ABCB5: variants seen among roughly 807,000 people sequenced by gnomAD.
ABCB5 encodes ATP-binding cassette sub-family B member 5.
Under a neutral mutation model 144.2 loss-of-function variants are expected in ABCB5, and 155 were observed. The ratio of observed to expected loss-of-function variants is 1.08; its 90% confidence interval spans 0.94 to 1.23. The LOEUF is 1.23. Among genes scored for constraint, ABCB5 ranks in the 50% most tolerant of loss-of-function variants. The pLI is 0.00. For missense variants in ABCB5, 1,830 were observed against 1,520.8 expected (o/e 1.20, Z -3.38); for synonymous variants, 610 against 528.6 (o/e 1.15, Z -2.11).
chr7:20,689,580 C>G (rs1016553801), intron 16 of ABCB5, among the ~76,000 whole-genome samples: 1 of 152,058 alleles, frequency 6.6e-6, no homozygotes, highest in Admixed American at 6.6e-5. Flanking sequence ...TAACCTAAGC[C>G]AAGAGCTAGA....
chr7:20,640,066 T>C (rs1434650766), intron 5 of ABCB5, among the ~76,000 whole-genome samples: 2 of 152,150 alleles, frequency 1.3e-5, no homozygotes, highest in Non-Finnish European at 2.9e-5. Flanking sequence ...TCATCTTACA[T>C]TTATTTTATT....
chr7:20,743,119 T>C, intron 25 of ABCB5, 45 bp downstream of exon 25: 2 of 1,592,576 alleles, frequency 1.3e-6, no homozygotes, highest in South Asian at 2.2e-5. Flanking sequence ...TTAGCAGTCC[T>C]ATTCTTAAAC....
intron 14 of ABCB5, among the ~76,000 whole-genome samples, chr7:20,668,397 G>A (rs1440547835): frequency 1.2e-4 from 18 of 149,244 alleles, no homozygotes; most frequent in East Asian, 2.2e-4. Context: ...TGTGAGGAGC[G>A]CCTCTGCTGG....
At position 20,745,399 on chromosome 7, in the gene ABCB5, T is replaced by C; in HGVS notation, c.3390T>C (p.Asn1130=). ...TAGATGAGATCAAAGAAGCCGCAAA[T>C]GCAGCAAATATCCATTCTTTTATTG... ...VPLDEIKEAA[N]AANIHSFIEG... is the part of the protein sequence containing the mutation. The change falls in exon 26 of 28, where the codon AAT becomes AAC. Residue 1130 remains asparagine, a synonymous_variant. Coordinates refer to ENST00000404938, the MANE Select transcript of ABCB5 (RefSeq NM_001163941.2). 1.9e-6 allele frequency: 3 copies of C among 1,614,190 alleles called. No homozygotes were observed. Among genetic ancestry groups the C allele is most frequent in the Non-Finnish European group, 2.5e-6 (3 of 1,180,036 alleles).
intron 7 of ABCB5, 103 bp from the exon 8 acceptor site, chr7:20,645,653 A>T: frequency 7.2e-7 from 1 of 1,389,492 alleles, no homozygotes; most frequent in Non-Finnish European, 9.8e-7. Flanking sequence ...GTCTAAAAAA[A>T]TACCATTAGT....
At chr7:20,659,876 G>C (rs1414758658) in intron 14 of ABCB5, 1 of 904,176 alleles carries the variant, frequency 1.1e-6, no homozygotes, top group Non-Finnish European at 1.3e-6. Flanking sequence ...TAGAGACAAG[G>C]TTTTGCCATG....
chr7:20,702,227 T>TA (rs1786653195), intron 19 of ABCB5, among the ~76,000 whole-genome samples: 1 of 152,242 alleles, frequency 6.6e-6, no homozygotes, highest in South Asian at 2.1e-4. Context: ...TTACAATTCT[T>TA]AATGATAAAT....
chr7:20,749,137 T>C (rs115749071), intron 26 of ABCB5, among the ~76,000 whole-genome samples: 2,382 of 133,516 alleles, frequency 0.018, 69 homozygotes, highest in African/African-American at 0.057. Flanking sequence ...TTCCCTTTCT[T>C]TTCCTCCCTC....
chr7:20,666,787 T>C, intron 14 of ABCB5: 1 of 1,597,590 alleles, frequency 6.3e-7, no homozygotes, highest in Non-Finnish European at 8.5e-7. Context: ...GACGTATTGA[T>C]AATCTACCAC....
intron 14 of ABCB5, among the ~76,000 whole-genome samples, chr7:20,679,723 A>G (rs2128038293): frequency 6.6e-6 from 1 of 152,342 alleles, no homozygotes; most frequent in Non-Finnish European, 1.5e-5. Flanking sequence ...AGAAAATGCA[A>G]ATAAAAATAT....
At chr7:20,674,279 A>G (rs1297085761) in intron 14 of ABCB5, among the ~76,000 whole-genome samples, 1 of 151,964 alleles carries the variant, frequency 6.6e-6, no homozygotes, top group Non-Finnish European at 1.5e-5. Context: ...CTTTTACCTG[A>G]AACCTTTAAT....
rs571193620 is a variant in ABCB5, at chr7:20,691,497, A to T, written c.2010+5661A>T. Among the ~76,000 whole-genome samples, 4 of 152,092 alleles carry T rather than the reference A, an allele frequency of 2.6e-5. No individual in the cohort carries two copies. The South Asian group carries it at 8.3e-4, about 32-fold the overall frequency. On this transcript the variant is annotated intron_variant, in intron 16 of 27. Coordinates refer to ENST00000404938, the MANE Select transcript of ABCB5 (RefSeq NM_001163941.2). The stretch of plus-strand genomic sequence containing the variant: ...GCAGGGTATATATCTACCAGAAAAG[A>T]TTAAAAGGAGCAATTCTTAGAAGTC...
At chr7:20,694,023 TA>T (rs1273411650) in intron 16 of ABCB5, among the ~76,000 whole-genome samples, 33 of 133,954 alleles carry the variant, frequency 2.5e-4, no homozygotes, top group South Asian at 1.7e-3. Context: ...CTTTTTTCCC[TA>T]AAAAAAAAAA....
intron 20 of ABCB5, among the ~76,000 whole-genome samples, chr7:20,710,913 A>T (rs73263638): frequency 0.014 from 2,132 of 149,678 alleles, 191 homozygotes; most frequent in African/African-American, 0.05. Context: ...CTCTTTTTGG[A>T]GGAGTAAGGA....
intron 16 of ABCB5, 24 bp downstream of exon 16, chr7:20,685,860 T>C (rs559166598): frequency 6.4e-7 from 1 of 1,560,440 alleles, no homozygotes; most frequent in South Asian, 1.2e-5. Context: ...GATCAACCAG[T>C]TTTTCCTGCA....
intron 23 of ABCB5, among the ~76,000 whole-genome samples, chr7:20,736,481 G>T (rs1036164491): frequency 1.3e-5 from 2 of 152,154 alleles, no homozygotes. Flanking sequence ...CTCCCAAAGT[G>T]CTGGAATTAC....
intron 4 of ABCB5, among the ~76,000 whole-genome samples, chr7:20,630,597 A>G (rs987147270): frequency 3.6e-4 from 55 of 152,164 alleles, no homozygotes; most frequent in African/African-American, 1.3e-3. Context: ...TTAATGATGT[A>G]AATTGATGCA....
intron 1 of ABCB5, among the ~76,000 whole-genome samples, chr7:20,619,083 C>T (rs550839050): frequency 1.3e-5 from 2 of 152,204 alleles, no homozygotes; most frequent in South Asian, 4.2e-4. Flanking sequence ...CCACGTACCA[C>T]ATTTTCTTTA....
intron 23 of ABCB5, among the ~76,000 whole-genome samples, chr7:20,730,515 T>A (rs7791932): frequency 0.49 from 74,531 of 151,976 alleles, 19,077 homozygotes; most frequent in East Asian, 0.71. Flanking sequence ...CCTCAAAAAA[T>A]TTAAAATAAA....
Sources: gnomAD v4.1 joint callset for allele counts (sites outside exome capture counted in the v4.1 genomes callset) on GRCh38, gnomAD v4.1.1 for gene constraint, MANE v1.5 for transcripts, NCBI Gene and HGNC (gene_info 2026-07-23, HGNC 2026-07-21) for gene names.